Variants in LRRC56 observed in about 807,000 individuals in gnomAD.
LRRC56 encodes leucine-rich repeat-containing protein 56.
A neutral mutation model predicts 47.8 loss-of-function variants in LRRC56; 41 were observed. That is an observed-to-expected ratio of 0.86 (90% CI 0.67 to 1.11). LRRC56 has a LOEUF of 1.11. Ranked by LOEUF, LRRC56 falls within the 50% of genes most tolerant of loss-of-function variation. The pLI, the probability that LRRC56 is intolerant of heterozygous loss-of-function variation, is 0.00. For missense variants in LRRC56, 759 were observed against 704.2 expected (o/e 1.08, Z -0.88); for synonymous variants, 387 against 311.2 (o/e 1.24, Z -2.56).
At chr11:549,254 G>C (rs1033408083) in intron 6 of LRRC56, among the ~76,000 whole-genome samples, 8 of 152,212 alleles carry the variant, frequency 5.3e-5, no homozygotes. Flanking sequence ...CTTTCACAAG[G>C]AGAGGTGCAG....
chr11:511,644 CAGAA>C, the LRRC56 span, among the ~76,000 whole-genome samples: 4 of 152,236 alleles, frequency 2.6e-5, no homozygotes, highest in African/African-American at 9.6e-5. Context: ...TTCAATCAGA[CAGAA>C]AGCAGACCAG....
At chr11:552,505 T>C (rs1294648759) in intron 12 of LRRC56, 64 bp from the exon 13 acceptor site, 62 of 1,413,000 alleles carry the variant, frequency 4.4e-5, no homozygotes, top group Non-Finnish European at 6.1e-5. Flanking sequence ...TCATGGACCA[T>C]CCCTATGTGT....
chr11:516,253 C>T, the LRRC56 span, among the ~76,000 whole-genome samples: 2 of 151,988 alleles, frequency 1.3e-5, no homozygotes, highest in Admixed American at 1.3e-4. Context: ...ACTAGCCAGG[C>T]ATGGTGGTAC....
the LRRC56 span, chr11:532,146 C>A: frequency 4.0e-6 from 1 of 252,850 alleles, no homozygotes; most frequent in East Asian, 6.2e-5. Flanking sequence ...CTCCCAAAGG[C>A]TATGGAGAGC....
At chr11:532,754 C>G (rs1362209698), upstream of LRRC56, 4 of 1,612,638 alleles carry the variant, frequency 2.5e-6, no homozygotes, top group Non-Finnish European at 3.4e-6. Context: ...ATCCTCCACT[C>G]CCTGGGAAAG....
chr11:517,038 CGG>C, the LRRC56 span, among the ~76,000 whole-genome samples: 1 of 152,130 alleles, frequency 6.6e-6, no homozygotes, highest in Non-Finnish European at 1.5e-5. Flanking sequence ...TTGGAGGAGA[CGG>C]GGTTTTGCCC....
the LRRC56 span, among the ~76,000 whole-genome samples, chr11:515,294 A>G: frequency 1.3e-5 from 2 of 152,150 alleles, no homozygotes; most frequent in African/African-American, 4.8e-5. Context: ...GGAGCTTGTC[A>G]TAGATGCTGC....
At chr11:530,025 GAC>G in the LRRC56 span, among the ~76,000 whole-genome samples, 2 of 152,140 alleles carry the variant, frequency 1.3e-5, no homozygotes, top group Non-Finnish European at 2.9e-5. Context: ...CCCAGATCAG[GAC>G]ACACCCCAGG....
intron 2 of LRRC56, among the ~76,000 whole-genome samples, chr11:539,243 GCTAA>G (rs1851666684): frequency 6.9e-6 from 1 of 144,916 alleles, no homozygotes; most frequent in South Asian, 2.2e-4. Flanking sequence ...ACCACGCCTG[GCTAA>G]CTATGTTTTT....
the LRRC56 span, among the ~76,000 whole-genome samples, chr11:508,518 A>G: frequency 6.6e-6 from 1 of 152,328 alleles, no homozygotes; most frequent in Admixed American, 6.5e-5. Context: ...TGTAACCCCA[A>G]CACTTTGGGA....
Position 540,667 on chromosome 11 carries a change from T to G in LRRC56, c.-11-7T>G, listed in dbSNP as rs553869845. ...CGTGGAGCTTTGCACTGTGCCTCTG[T>G]CAGCAGGTGACATGTGAATGGATCT... On this transcript the variant is annotated splice_polypyrimidine_tract_variant and splice_region_variant and intron_variant, in intron 3 of 13. Coordinates refer to ENST00000270115, the MANE Select transcript of LRRC56 (RefSeq NM_198075.4). The G allele has an allele frequency of 2.5e-6, 4 of 1,610,580 alleles. No individual in the cohort carries two copies. The Admixed American group carries it at 6.7e-5, about 27-fold the overall frequency.
chr11:528,701 G>A, the LRRC56 span: 4 of 152,196 alleles, frequency 2.6e-5, no homozygotes, highest in East Asian at 1.9e-4. Flanking sequence ...CTGTGTGCAC[G>A]TTAGTGGGGC....
At chr11:527,178 G>A in the LRRC56 span, among the ~76,000 whole-genome samples, 3 of 151,878 alleles carry the variant, frequency 2.0e-5, no homozygotes, top group African/African-American at 7.3e-5. Flanking sequence ...GCGGGCACCT[G>A]TAATCCCAGC....
the LRRC56 span, among the ~76,000 whole-genome samples, chr11:510,694 C>T: frequency 1.3e-5 from 2 of 151,970 alleles, no homozygotes; most frequent in South Asian, 2.1e-4. Context: ...GCCGAGATCA[C>T]GCCATTGCAC....
At chr11:546,527 C>G (rs912339209) in intron 6 of LRRC56, among the ~76,000 whole-genome samples, 1 of 151,538 alleles carries the variant, frequency 6.6e-6, no homozygotes, top group African/African-American at 2.4e-5. Flanking sequence ...AAGATCGCAC[C>G]ACTAAACTCC....
the LRRC56 span, chr11:506,714 T>C: frequency 6.6e-6 from 1 of 152,434 alleles, no homozygotes; most frequent in South Asian, 2.1e-4. Context: ...GATTACGGGA[T>C]TTGGGGAAGC....
At chr11:546,306 C>T (rs1045296933) in intron 6 of LRRC56, among the ~76,000 whole-genome samples, 23 of 152,088 alleles carry the variant, frequency 1.5e-4, no homozygotes, top group Non-Finnish European at 1.8e-4. Context: ...CAGTGGTTCA[C>T]GCCTGTAATC....
At position 544,752 on chromosome 11, in the gene LRRC56, C is replaced by T; in HGVS notation, c.298C>T (p.Leu100=). The part of the protein sequence containing the change: ...VHLPNLDQLK[L]NGSHLGSLRD... ...CCTGCCCAACCTGGACCAACTGAAGCTGAACGGCAGCCACCTGGGCTCCCT... is the reference window on the plus strand; with the variant it reads ...CCTGCCCAACCTGGACCAACTGAAGTTGAACGGCAGCCACCTGGGCTCCCT... Residue 100 remains leucine (L), a synonymous_variant, in exon 6 of 14, where the codon CTG becomes TTG. Coordinates refer to ENST00000270115, the MANE Select transcript of LRRC56 (RefSeq NM_198075.4). 6.2e-7 allele frequency: 1 copy of T among 1,612,408 alleles called. No homozygotes were observed. Among genetic ancestry groups the T allele is most frequent in the Non-Finnish European group, 8.5e-7 (1 of 1,179,906 alleles).
upstream of LRRC56, among the ~76,000 whole-genome samples, chr11:534,873 G>A (rs1851362715): frequency 6.6e-6 from 1 of 152,220 alleles, no homozygotes; most frequent in South Asian, 2.1e-4. Context: ...CCCGGGCAGC[G>A]CCCCGCACCC....
Sources: allele counts gnomAD v4.1 joint callset (sites outside exome capture counted in the v4.1 genomes callset), GRCh38; gene constraint gnomAD v4.1.1; transcripts MANE v1.5; gene names NCBI Gene and HGNC (gene_info 2026-07-23, HGNC 2026-07-21).